ABR: variants seen among roughly 807,000 people sequenced by gnomAD.
The protein encoded by ABR is ABR activator of RhoGEF and GTPase.
In ABR, 35 loss-of-function variants were observed where a neutral mutation model predicts 107.2. The observed-to-expected ratio is 0.33, with a 90% confidence interval of 0.25 to 0.43. The LOEUF is 0.43. Ranked by LOEUF, ABR falls within the 20% of genes least tolerant of loss-of-function variation. The probability of loss-of-function intolerance (pLI) is 1.00; values close to 1 mark genes in which losing one functional copy is unlikely to be tolerated. For missense variants in ABR, 815 were observed against 1,115.2 expected (o/e 0.73, Z 3.83); for synonymous variants, 498 against 462.0 (o/e 1.08, Z -1.00).
rs372466060 is a variant in ABR at position 1,163,490 on chromosome 17, G to A, written c.61+16177C>T. ...CACAGCACTGAATCCAGACGCAGGG[G>A]CCCCAGATAAACTGCAAGACGCCCA... On this transcript the variant is annotated intron_variant, in intron 1 of 22. Coordinates refer to ENST00000302538, the MANE Select transcript of ABR (RefSeq NM_021962.5). Among the ~76,000 whole-genome samples the A allele has an allele frequency of 5.3e-3, 599 of 113,316 alleles. 1 individual carries two copies. Among genetic ancestry groups the A allele is most frequent in the East Asian group, 0.027 (101 of 3,708 alleles). 74.3% of individuals were successfully genotyped at this position (113,316 alleles called of 152,430 possible). A position where few individuals can be genotyped will look rare whatever the true frequency, so the allele number is the denominator to read the frequency against.
chr17:1,183,223 A>T (rs141680575), upstream of ABR, among the ~76,000 whole-genome samples: 1 of 152,204 alleles, frequency 6.6e-6, no homozygotes, highest in Non-Finnish European at 1.5e-5. Context: ...CAAGGCACTG[A>T]ACCCCCATCT....
At chr17:1,054,727 TG>T (rs2033061010) in intron 14 of ABR, among the ~76,000 whole-genome samples, 1 of 138,260 alleles carries the variant, frequency 7.2e-6, no homozygotes, top group Non-Finnish European at 1.6e-5. Context: ...CCTGAGGGGA[TG>T]GGGGCACAAG....
intron 3 of ABR, among the ~76,000 whole-genome samples, chr17:1,095,090 T>A (rs2151312010): frequency 6.6e-6 from 1 of 152,210 alleles, no homozygotes; most frequent in Middle Eastern, 3.4e-3. Flanking sequence ...TACCCAAGAA[T>A]TCTTGTCCCC....
At chr17:1,033,574 G>A (rs2072962087) in intron 16 of ABR, among the ~76,000 whole-genome samples, 1 of 152,206 alleles carries the variant, frequency 6.6e-6, no homozygotes, top group Admixed American at 6.5e-5. Context: ...GTGGAGGGGG[G>A]CCTTGGGGCG....
In ABR at chr17:1,037,929, G is replaced by A. The variant is rs1481617432; in HGVS notation, c.1791+12121C>T. Among the ~76,000 whole-genome samples, 4 of 152,184 alleles carry A rather than the reference G, an allele frequency of 2.6e-5. No individual in the cohort carries two copies. Among genetic ancestry groups the A allele is most frequent in the Admixed American group, 1.3e-4 (2 of 15,282 alleles). The stretch of plus-strand genomic sequence containing the variant: ...TCCACAGCTGTCAAATCAGGAGCTC[G>A]GAACAGACACATGGTCTCCGGTGAG... On this transcript the variant is annotated intron_variant, in intron 16 of 22. Transcript: ENST00000302538. The surrounding 1 kb of genome is among the most constrained non-coding windows in gnomAD (Gnocchi z 4.6).
At chr17:1,206,152 A>G (rs2042784711) in intron 1 of ABR, among the ~76,000 whole-genome samples, 1 of 152,114 alleles carries the variant, frequency 6.6e-6, no homozygotes, top group Non-Finnish European at 1.5e-5. Context: ...GTGTGGTGGC[A>G]CACTCGGGAG....
chr17:1,007,594 A>G lies in ABR; in HGVS notation c.2343-282T>C, dbSNP rs1224948294. On this transcript the variant is annotated intron_variant, in intron 21 of 22. Transcript: ENST00000302538. ...CAGGGAGCCCACAGATGCCAACTCCAGCTCCCTTGCCTGAGAGCAGATACT... is the reference window on the plus strand; with the variant it reads ...CAGGGAGCCCACAGATGCCAACTCCGGCTCCCTTGCCTGAGAGCAGATACT... 2.6e-5 allele frequency among the ~76,000 whole-genome samples: 4 copies of G among 152,206 alleles called. No homozygotes were observed. In the South Asian group the frequency reaches 6.2e-4, roughly 24 times the overall value.
rs539776296 is a variant in ABR, at chr17:1,037,287, G to T, written c.1791+12763C>A. Among the ~76,000 whole-genome samples, 11 of 152,312 alleles carry T rather than the reference G, an allele frequency of 7.2e-5. No homozygotes were observed. Among genetic ancestry groups the T allele is most frequent in the African/African-American group, 2.4e-4 (10 of 41,568 alleles). Reference sequence around the variant, plus strand: ...TCCCAACTCCCCAAAGGCCTGTGCCGGCTCATAGGGCAGTCCCGAGTACGT... The same window carrying T: ...TCCCAACTCCCCAAAGGCCTGTGCCTGCTCATAGGGCAGTCCCGAGTACGT... On this transcript the variant is annotated intron_variant, in intron 16 of 22. Transcript: ENST00000302538. This position sits in a 1 kb window ranked among gnomAD's most constrained non-coding sequence, Gnocchi z 4.6.
intron 1 of ABR, among the ~76,000 whole-genome samples, chr17:1,143,933 C>G (rs1176861165): frequency 1.3e-5 from 2 of 152,054 alleles, no homozygotes; most frequent in African/African-American, 4.8e-5. Context: ...ACACGGTGAG[C>G]CCACGGCCAG....
chr17:1,195,262 G>A (rs1369290101), intron 1 of ABR, among the ~76,000 whole-genome samples: 5 of 126,904 alleles, frequency 3.9e-5, no homozygotes, highest in African/African-American at 8.2e-5. Flanking sequence ...AGCGGAGATC[G>A]CGCCACAGCA....
At chr17:1,132,200 AAC>A (rs142747738) in intron 1 of ABR, among the ~76,000 whole-genome samples, 6 of 151,432 alleles carry the variant, frequency 4.0e-5, no homozygotes, top group Non-Finnish European at 7.4e-5. Flanking sequence ...TGTCTCTATG[AAC>A]ACACACACAC....
At chr17:1,208,875 G>C (rs1278754903) in intron 1 of ABR, among the ~76,000 whole-genome samples, 1 of 145,016 alleles carries the variant, frequency 6.9e-6, no homozygotes, top group Non-Finnish European at 1.5e-5. Flanking sequence ...GTGAGAGTGT[G>C]AGACTCCGTC....
At chr17:1,108,964 GC>G (rs1282865676) in intron 2 of ABR, 1 of 1,597,234 alleles carries the variant, frequency 6.3e-7, no homozygotes. Flanking sequence ...GGGACCCTGA[GC>G]CGGGGCTGGT....
rs1379344390 is a variant in ABR, at chr17:1,004,076, G to A, written c.*2004C>T. On this transcript the variant is annotated 3_prime_UTR_variant, in exon 23 of 23. Coordinates refer to ENST00000302538, the MANE Select transcript of ABR (RefSeq NM_021962.5). ...GTGGGGCTCCCTGAGGCTGAGACGC[G>A]AAGGTGCCCAGTCTGGGCCGTGACT... The A allele has an allele frequency of 6.6e-6, 1 of 152,264 alleles. No individual in the cohort carries two copies. Among genetic ancestry groups the A allele is most frequent in the South Asian group, 2.1e-4 (1 of 4,836 alleles). The allele number at this position is 152,264 out of a possible 1,614,324, so 9.4% of individuals were successfully genotyped here. A position where few individuals can be genotyped will look rare whatever the true frequency, so the allele number is the denominator to read the frequency against.
chr17:1,024,036 A>AAAAAAAAAAAAAAAAC (rs2071957917), intron 16 of ABR, among the ~76,000 whole-genome samples: 1 of 147,968 alleles, frequency 6.8e-6, no homozygotes, highest in Non-Finnish European at 1.5e-5. Context: ...AAAAAAAAAA[A>AAAAAAAAAAAAAAAAC]AAAAAAAAAA....
At chr17:1,083,882 T>C (rs1432535372) in intron 4 of ABR, 2 of 434,438 alleles carry the variant, frequency 4.6e-6, no homozygotes, top group Non-Finnish European at 8.4e-6. Context: ...CTAGGGCCTT[T>C]GTTGGCCTGC....
intron 12 of ABR, 102 bp from the exon 13 acceptor site, chr17:1,057,204 G>C (rs548512030): frequency 1.6e-5 from 12 of 756,874 alleles, no homozygotes; most frequent in Middle Eastern, 3.1e-4. Context: ...AATCCCTGGG[G>C]CAGACTTGGT....
chr17:1,228,007 G>C (rs1044023628), intron 1 of ABR: 1 of 152,274 alleles, frequency 6.6e-6, no homozygotes, highest in African/African-American at 2.4e-5. Context: ...GGAGAGAGAT[G>C]ACAGGAGACC....
chr17:1,224,293 C>A (rs560304100), intron 1 of ABR, among the ~76,000 whole-genome samples: 1 of 152,106 alleles, frequency 6.6e-6, no homozygotes, highest in Admixed American at 6.6e-5. Context: ...AGATACTAAG[C>A]GAATTGGCAG....
Sources: allele counts gnomAD v4.1 joint callset (sites outside exome capture counted in the v4.1 genomes callset), GRCh38; gene constraint gnomAD v4.1.1; non-coding constraint Gnocchi (gnomAD v3.1); transcripts MANE v1.5; gene names NCBI Gene and HGNC (gene_info 2026-07-23, HGNC 2026-07-21).